The following PHACTR2 variants were observed in gnomAD, a reference collection of about 807,000 sequenced individuals.
PHACTR2 encodes the protein chromosome 6 open reading frame 56.
A neutral mutation model predicts 76.0 loss-of-function variants in PHACTR2; 30 were observed. That is an observed-to-expected ratio of 0.39 (90% CI 0.30 to 0.54). PHACTR2 has a LOEUF of 0.54. Among genes scored for constraint, PHACTR2 ranks in the 20% least tolerant of loss-of-function variants. The probability of loss-of-function intolerance (pLI) is 0.61; values close to 1 mark genes in which losing one functional copy is unlikely to be tolerated. For missense variants in PHACTR2, 696 were observed against 781.1 expected (o/e 0.89, Z 1.30); for synonymous variants, 292 against 292.5 (o/e 1.00, Z 0.02).
rs536428781 is a variant in PHACTR2 at position 143,636,542 on chromosome 6, A to T, written c.13+28220A>T. Among the ~76,000 whole-genome samples the T allele has an allele frequency of 2.5e-3, 384 of 152,340 alleles. 4 individuals carry two copies. Among genetic ancestry groups the T allele is most frequent in the Non-Finnish European group, 2.5e-3 (167 of 68,030 alleles). ...GCAGTCTATCAGGCAGTCTATAGGC[A>T]GTTGGATTCCAAGAAAAATGTTATT... is the stretch of plus-strand genomic sequence containing the variant. On this transcript the variant is annotated intron_variant, in intron 1 of 11. Transcript: ENST00000305766.
rs1021072819 is a variant in PHACTR2, at chr6:143,595,223, A to G, written c.217+58016A>G. On this transcript the variant is annotated intron_variant, in intron 1 of 11. Coordinates refer to the PHACTR2 transcript ENST00000367584. The surrounding 1 kb of genome is among the most constrained non-coding windows in gnomAD (Gnocchi z 4.2). ...AATTAGAGGATGGGCACTAAAATAT[A>G]TATGAACTAAGTTAAGTATGTCAAA... 6.6e-6 allele frequency among the ~76,000 whole-genome samples: 1 copy of G among 152,230 alleles called. No individual in the cohort carries two copies. The highest frequency in any genetic ancestry group is 1.5e-5 in the Non-Finnish European group (1 of 68,046).
chr6:143,547,460 T>C lies in PHACTR2; in HGVS notation c.217+10253T>C, dbSNP rs1263855611. The stretch of plus-strand genomic sequence containing the variant: ...ATAGTAACACTGCGTACCTCCAAAA[T>C]ATATAACCACACAAGGTCATATGTG... On this transcript the variant is annotated intron_variant, in intron 1 of 11. Transcript: ENST00000367584. This position sits in a 1 kb window ranked among gnomAD's most constrained non-coding sequence, Gnocchi z 4.2. Among the ~76,000 whole-genome samples, 1 of 152,198 alleles carries C rather than the reference T, an allele frequency of 6.6e-6. No individual in the cohort carries two copies. The highest frequency in any genetic ancestry group is 1.5e-5 in the Non-Finnish European group (1 of 68,048).
intron 1 of PHACTR2, among the ~76,000 whole-genome samples, chr6:143,603,013 T>C (rs12194137): frequency 0.44 from 66,537 of 151,652 alleles, 15,149 homozygotes; most frequent in Non-Finnish European, 0.5. Context: ...GACATGGTGG[T>C]GCATGCCTGT....
rs1777745800 is a variant in PHACTR2, at chr6:143,695,250, G to A, written c.47-16766G>A. The stretch of plus-strand genomic sequence containing the variant: ...TGATGGATTGGGCATGGGGATCAGG[G>A]CATGCAGAAGCTCTTAGCCAAACCT... On this transcript the variant is annotated intron_variant, in intron 1 of 12. Coordinates refer to ENST00000440869, the MANE Select transcript of PHACTR2 (RefSeq NM_001100164.2). The surrounding 1 kb of genome is among the most constrained non-coding windows in gnomAD (Gnocchi z 4.4). 6.6e-6 allele frequency among the ~76,000 whole-genome samples: 1 copy of A among 152,170 alleles called. No homozygotes were observed. Among genetic ancestry groups the A allele is most frequent in the Non-Finnish European group, 1.5e-5 (1 of 68,030 alleles).
rs1776219053 is a variant in PHACTR2, at chr6:143,624,485, C to A, written c.13+16163C>A. Among the ~76,000 whole-genome samples, 1 of 152,198 alleles carries A rather than the reference C, an allele frequency of 6.6e-6. No homozygotes were observed. Among genetic ancestry groups the A allele is most frequent in the African/African-American group, 2.4e-5 (1 of 41,450 alleles). On this transcript the variant is annotated intron_variant, in intron 1 of 11. Coordinates refer to the PHACTR2 transcript ENST00000305766. This position sits in a 1 kb window ranked among gnomAD's most constrained non-coding sequence, Gnocchi z 4.6. ...TCACACAATATCACCACAACATGGA[C>A]ATTTCAACTAGATTTTCTTCCACCT... is the stretch of plus-strand genomic sequence containing the variant.
rs1277551260 is a variant in PHACTR2, at chr6:143,610,875, AT to A, written c.13+2557del. Reference sequence around the variant, plus strand: ...TGTGTGTGTGGAATATGTCAGGGCAATTTTAGCAATATCTAACATTTTCTTC... The same window carrying A: ...TGTGTGTGTGGAATATGTCAGGGCAATTTAGCAATATCTAACATTTTCTTC... On this transcript the variant is annotated intron_variant, in intron 1 of 11. Coordinates refer to the PHACTR2 transcript ENST00000305766. The surrounding 1 kb of genome is among the most constrained non-coding windows in gnomAD (Gnocchi z 4.9). Among the ~76,000 whole-genome samples, 1 of 152,176 alleles carries A rather than the reference AT, an allele frequency of 6.6e-6. No homozygotes were observed. Among genetic ancestry groups the A allele is most frequent in the African/African-American group, 2.4e-5 (1 of 41,448 alleles).
Position 143,783,078 on chromosome 6 carries a change from A to C in PHACTR2, c.1646-141A>C. 1 of 591,558 alleles carries C rather than the reference A, an allele frequency of 1.7e-6. No homozygotes were observed. The highest frequency in any genetic ancestry group is 3.1e-6 in the Non-Finnish European group (1 of 321,652). 36.6% of individuals were successfully genotyped at this position (591,558 alleles called of 1,614,324 possible). Reference sequence around the variant, plus strand: ...AAGATGATCAACCTTCCTACAAAATATTTTGACAACTTTTTAACAATGTTG... The same window carrying C: ...AAGATGATCAACCTTCCTACAAAATCTTTTGACAACTTTTTAACAATGTTG... On this transcript the variant is annotated intron_variant, in intron 9 of 12. Coordinates refer to ENST00000440869, the MANE Select transcript of PHACTR2 (RefSeq NM_001100164.2). This position sits in a 1 kb window ranked among gnomAD's most constrained non-coding sequence, Gnocchi z 5.2.
intron 11 of PHACTR2, among the ~76,000 whole-genome samples, chr6:143,799,146 C>T (rs1254557952): frequency 1.3e-5 from 2 of 152,154 alleles, no homozygotes; most frequent in African/African-American, 4.8e-5. Flanking sequence ...TTATCCATTT[C>T]TTCTAGATTT....
rs375093508 is a variant in PHACTR2, at chr6:143,616,760, G to A, written c.13+8438G>A. ...TATTTGGATAAGGAATGAGGTTGGG[G>A]TGGAGGCTACGCCAGACTCGGTAGT... On this transcript the variant is annotated intron_variant, in intron 1 of 11. Transcript: ENST00000305766. This position sits in a 1 kb window ranked among gnomAD's most constrained non-coding sequence, Gnocchi z 4.9. 1.8e-3 allele frequency among the ~76,000 whole-genome samples: 276 copies of A among 152,306 alleles called. 8 individuals carry two copies. The South Asian group carries it at 0.055, about 30-fold the overall frequency.
chr6:143,681,214 T>C (rs1439485509), intron 1 of PHACTR2, among the ~76,000 whole-genome samples: 3 of 152,210 alleles, frequency 2.0e-5, no homozygotes, highest in African/African-American at 7.2e-5. Context: ...CCATTTTACA[T>C]TCCCACCAGC....
In PHACTR2 at chr6:143,582,211, G is replaced by A. The variant is rs142403330; in HGVS notation, c.217+45004G>A. On this transcript the variant is annotated intron_variant, in intron 1 of 11. Transcript: ENST00000367584. The stretch of plus-strand genomic sequence containing the variant: ...CACCCAGCACAATTCAGAGCAAATC[G>A]TTTTGGAAATAGAATCTCAGCCCAG... Among the ~76,000 whole-genome samples, 1,311 of 152,276 alleles carry A rather than the reference G, an allele frequency of 8.6e-3. 17 individuals are homozygous for A. The highest frequency in any genetic ancestry group is 0.027 in the African/African-American group (1,113 of 41,560).
chr6:143,810,469 T>C, intron 12 of PHACTR2: 1 of 392,750 alleles, frequency 2.5e-6, no homozygotes, highest in South Asian at 1.9e-5. Context: ...TCGAGAGGTT[T>C]ATATTCTAAA....
In PHACTR2 at chr6:143,760,592, C is replaced by G. The variant is rs778193518; in HGVS notation, c.646C>G (p.Pro216Ala). 1.2e-6 allele frequency: 2 copies of G among 1,613,978 alleles called. No individual in the cohort carries two copies. The highest frequency in any genetic ancestry group is 1.7e-5 in the Admixed American group (1 of 60,026). Residue 216 changes from proline (P) to alanine (A), a missense_variant, in exon 5 of 13, where the codon CCC (proline) becomes GCC (alanine). Around this residue, in one of 2 missense-constraint regions of PHACTR2, gnomAD observed 460 missense variants for 450.9 expected, o/e 1.02. Transcript: ENST00000440869. This position sits in a 1 kb window ranked among gnomAD's most constrained non-coding sequence, Gnocchi z 6.4. ...TACCAAGGCTCCTGGTAAGCAGGCCCCCGTCCCTCCACCCAAGCCAGCAAG... is the reference window on the plus strand; with the variant it reads ...TACCAAGGCTCCTGGTAAGCAGGCCGCCGTCCCTCCACCCAAGCCAGCAAG... ...KNTKAPGKQA[P>A]VPPPKPASRN...
chr6:143,752,917 T>G (rs1208158610), intron 3 of PHACTR2, among the ~76,000 whole-genome samples: 3 of 152,202 alleles, frequency 2.0e-5, no homozygotes, highest in Non-Finnish European at 2.9e-5. Context: ...ATTAAATGTT[T>G]CTGCAAAGTC....
rs9496656 is a variant in PHACTR2 at position 143,537,613 on chromosome 6, C to T, written c.217+406C>T. Among the ~76,000 whole-genome samples, 58,648 of 151,962 alleles carry T rather than the reference C, an allele frequency of 0.39. 11,438 individuals are homozygous for T. Among genetic ancestry groups the T allele is most frequent in the South Asian group, 0.51 (2,441 of 4,814 alleles). On this transcript the variant is annotated intron_variant, in intron 1 of 11. Transcript: ENST00000367584. The surrounding 1 kb of genome is among the most constrained non-coding windows in gnomAD (Gnocchi z 4.4). The stretch of plus-strand genomic sequence containing the variant: ...GGAAGGGTGCGGTTCCCTCACTTTG[C>T]GGGCTGGGACCAGGGCAGGTCTTGG...
chr6:143,634,818 CA>C (rs1465170036), intron 1 of PHACTR2, among the ~76,000 whole-genome samples: 1 of 152,086 alleles, frequency 6.6e-6, no homozygotes, highest in Non-Finnish European at 1.5e-5. Flanking sequence ...AATACCACAG[CA>C]AATATAAAAC....
chr6:143,698,122 T>G lies in PHACTR2; in HGVS notation c.47-13894T>G, dbSNP rs142474966. ...CAGTATTGAAAATCTAAATAAAAAT[T>G]ATATTAGAAAAGGATTTTGGAATAA... is the stretch of plus-strand genomic sequence containing the variant. On this transcript the variant is annotated intron_variant, in intron 1 of 12. Transcript: ENST00000440869. This position sits in a 1 kb window ranked among gnomAD's most constrained non-coding sequence, Gnocchi z 4.3. Among the ~76,000 whole-genome samples, 1 of 152,324 alleles carries G rather than the reference T, an allele frequency of 6.6e-6. No homozygotes were observed. Among genetic ancestry groups the G allele is most frequent in the East Asian group, 1.9e-4 (1 of 5,186 alleles).
intron 2 of PHACTR2, among the ~76,000 whole-genome samples, chr6:143,728,193 T>A (rs1314624543): frequency 1.3e-5 from 2 of 150,516 alleles, no homozygotes; most frequent in Non-Finnish European, 3.0e-5. Context: ...TTGTTCTTCT[T>A]TCTTTCCTTT....
In PHACTR2 at chr6:143,805,095, G is replaced by A. The variant is rs942200974; in HGVS notation, c.1846-1962G>A. ...CCTGCCTTCTGACTCCCAGTGGACC[G>A]CTTTTCACTTCCTCTGCTGAAACCT... On this transcript the variant is annotated intron_variant, in intron 11 of 12. Transcript: ENST00000440869. Among the ~76,000 whole-genome samples the A allele has an allele frequency of 9.9e-5, 15 of 152,102 alleles. 1 individual carries two copies. The highest frequency in any genetic ancestry group is 3.1e-4 in the African/African-American group (13 of 41,410).
Sources: allele counts gnomAD v4.1 joint callset (sites outside exome capture counted in the v4.1 genomes callset), GRCh38; gene constraint gnomAD v4.1.1; regional missense constraint gnomAD v4.1.1; non-coding constraint Gnocchi (gnomAD v3.1); transcripts MANE v1.5; gene names NCBI Gene and HGNC (gene_info 2026-07-23, HGNC 2026-07-21).